SEMA4C: variants seen among roughly 807,000 people sequenced by gnomAD.
SEMA4C encodes the protein semaphorin-4C.
SEMA4C carries 19 observed loss-of-function variants against 89.0 expected under a neutral mutation model. The ratio of observed to expected loss-of-function variants is 0.21; its 90% CI spans 0.15 to 0.31. The LOEUF (loss-of-function observed/expected upper bound fraction) is 0.31. Ranked by LOEUF, SEMA4C falls within the 10% of genes least tolerant of loss-of-function variation. The pLI, the probability that SEMA4C is intolerant of heterozygous loss-of-function variation, is 1.00. For missense variants in SEMA4C, 811 were observed against 1,107.0 expected (o/e 0.73, Z 3.79); for synonymous variants, 428 against 472.7 (o/e 0.91, Z 1.23).
chr2:96,865,015 C>T lies in SEMA4C; in HGVS notation c.735G>A (p.Glu245=). The part of the protein sequence containing the change: ...VYFFFRERAV[E]SDCYAEQVVA... ...CCACCTGCTCGGCATAGCAGTCGGA[C>T]TCCACTGCCCGCTCCCTGAAGAAGA... Residue 245 remains glutamate (E), a synonymous_variant, in exon 8 of 15, where the codon GAG becomes GAA. Transcript: ENST00000305476. 6.4e-7 allele frequency: 1 copy of T among 1,559,332 alleles called. No homozygotes were observed. The highest frequency in any genetic ancestry group is 8.7e-7 in the Non-Finnish European group (1 of 1,151,506).
rs1158591884 is a variant in SEMA4C at position 96,864,762 on chromosome 2, G to T, written c.905C>A (p.Thr302Asn). ...LYFNQLQAMH[T>N]LQDTSWHNTT... ...GTTGTGCCAGGAGGTGTCCTGCAGGGTGTGCATCGCCTGCAGCTGGTTGAA... is the reference window on the plus strand; with the variant it reads ...GTTGTGCCAGGAGGTGTCCTGCAGGTTGTGCATCGCCTGCAGCTGGTTGAA... The change falls in exon 9 of 15, where the codon ACC becomes AAC. Residue 302 changes from threonine (T) to asparagine (N), a missense_variant. By Grantham distance (65) the Thr-to-Asn change is moderately conservative (BLOSUM62 0). Around this residue, in one of 4 missense-constraint regions of SEMA4C, gnomAD observed 441 missense variants for 664.9 expected, o/e 0.66. Transcript: ENST00000305476. The surrounding 1 kb of genome is among the most constrained non-coding windows in gnomAD (Gnocchi z 6.3). The T allele has an allele frequency of 6.2e-7, 1 of 1,613,946 alleles. No homozygotes were observed. The highest frequency in any genetic ancestry group is 8.5e-7 in the Non-Finnish European group (1 of 1,179,978).
intron 2 of SEMA4C, 113 bp from the exon 3 acceptor site, chr2:96,866,544 C>G (rs576846228): frequency 7.0e-7 from 1 of 1,420,248 alleles, no homozygotes; most frequent in East Asian, 2.3e-5. Flanking sequence ...AGCCAAACCC[C>G]CTGATTGGCA....
chr2:96,865,742 C>A lies in SEMA4C; in HGVS notation c.344G>T (p.Arg115Leu), dbSNP rs765973411. The change falls in exon 5 of 15, where the codon CGC (arginine) becomes CTC (leucine). Residue 115 changes from arginine (R) to leucine (L), a missense_variant. By Grantham distance (102) the Arg-to-Leu change is moderately radical. Transcript: ENST00000305476. ...GGAGGCATTGTAGGGCTGCAGGAAG[C>A]GGATGAAGTTGAAGCACTCGGTCTG... Reference protein sequence around the residue: ...NNQTECFNFIRFLQPYNASHL... With the variant: ...NNQTECFNFILFLQPYNASHL... The A allele has an allele frequency of 5.0e-6, 8 of 1,614,076 alleles. No individual in the cohort carries two copies. Among genetic ancestry groups the A allele is most frequent in the South Asian group, 1.1e-5 (1 of 91,080 alleles).
Position 96,869,904 on chromosome 2 carries a change from G to A in SEMA4C, c.-66C>T, listed in dbSNP as rs1196632471. 2 of 986,036 alleles carry A rather than the reference G, an allele frequency of 2.0e-6. No homozygotes were observed. The highest frequency in any genetic ancestry group is 2.4e-6 in the Non-Finnish European group (2 of 830,124). The allele number at this position is 986,036 out of a possible 1,614,324, so 61.1% of individuals were successfully genotyped here. A position where few individuals can be genotyped will look rare whatever the true frequency, so the allele number is the denominator to read the frequency against. On this transcript the variant is annotated 5_prime_UTR_variant, in exon 1 of 15. Coordinates refer to ENST00000305476, the MANE Select transcript of SEMA4C (RefSeq NM_017789.5). ...TTGCGCGCAGCTCCAGTCCCCGGGC[G>A]CCGCCCTCGCGTTCGGCTCTGACCG... is the stretch of plus-strand genomic sequence containing the variant.
chr2:96,860,942 T>G lies in SEMA4C; in HGVS notation c.2186A>C (p.Lys729Thr). The G allele has an allele frequency of 6.2e-7, 1 of 1,613,000 alleles. No homozygotes were observed. The stretch of plus-strand genomic sequence containing the variant: ...GTAGTAACCGACAGGATCCCAAAGT[T>G]TCTCATCTGGTTCAGGACAGGGCCG... The part of the protein sequence containing the change: ...PFRPCPEPDE[K>T]LWDPVGYYYS... The change falls in exon 15 of 15, where the codon AAA (lysine) becomes ACA (threonine). Residue 729 changes from lysine (K) to threonine (T), a missense_variant. Physicochemically the swap from Lys to Thr is moderately conservative, Grantham distance 78. Coordinates refer to ENST00000305476, the MANE Select transcript of SEMA4C (RefSeq NM_017789.5).
In SEMA4C at chr2:96,863,713, G is replaced by A. The variant is rs1379196106; in HGVS notation, c.1412C>T (p.Pro471Leu). ...IEELQLFDQE[P>L]MRSLVLSQSK... ...CTGAGATAGCACCAGGCTTCTCATG[G>A]GCTCCTGGTCAAACAGCTGCAGCTC... is the stretch of plus-strand genomic sequence containing the variant. Residue 471 changes from proline (P) to leucine (L), a missense_variant, in exon 12 of 15, where the codon CCC becomes CTC. By Grantham distance (98) the Pro-to-Leu change is moderately conservative. Transcript: ENST00000305476. 6.2e-7 allele frequency: 1 copy of A among 1,614,096 alleles called. No individual in the cohort carries two copies. Among genetic ancestry groups the A allele is most frequent in the Non-Finnish European group, 8.5e-7 (1 of 1,180,012 alleles).
chr2:96,869,345 C>T, intron 1 of SEMA4C: 2 of 985,342 alleles, frequency 2.0e-6, no homozygotes, highest in Non-Finnish European at 2.4e-6. Context: ...CCCTCGCCCA[C>T]CCCGAGCGGC....
chr2:96,861,941 C>T lies in SEMA4C; in HGVS notation c.1444-47G>A, dbSNP rs1333534904. On this transcript the variant is annotated intron_variant, in intron 12 of 14. Transcript: ENST00000305476. This position sits in a 1 kb window ranked among gnomAD's most constrained non-coding sequence, Gnocchi z 7.8. ...GGAGGGGGGTCGGCCAGGGCCACACCACGGGAGGGGCGGCCGGACCAGAAC... is the reference window on the plus strand; with the variant it reads ...GGAGGGGGGTCGGCCAGGGCCACACTACGGGAGGGGCGGCCGGACCAGAAC... The T allele has an allele frequency of 2.6e-6, 4 of 1,559,192 alleles. No homozygotes were observed. Among genetic ancestry groups the T allele is most frequent in the Non-Finnish European group, 3.5e-6 (4 of 1,153,226 alleles).
At position 96,864,195 on chromosome 2, in the gene SEMA4C, A is replaced by C. The variant is rs762585672; in HGVS notation, c.1107+43T>G. On this transcript the variant is annotated intron_variant, in intron 10 of 14. Coordinates refer to ENST00000305476, the MANE Select transcript of SEMA4C (RefSeq NM_017789.5). This position sits in a 1 kb window ranked among gnomAD's most constrained non-coding sequence, Gnocchi z 6.3. ...CAGGCCATCAGCAGGGTGGGATGGCACCGCAGCTGGGTGGGGAGATGCATC... is the reference window on the plus strand; with the variant it reads ...CAGGCCATCAGCAGGGTGGGATGGCCCCGCAGCTGGGTGGGGAGATGCATC... 4 of 1,613,048 alleles carry C rather than the reference A, an allele frequency of 2.5e-6. No homozygotes were observed. The East Asian group carries it at 8.9e-5, about 36-fold the overall frequency.
upstream of SEMA4C, chr2:96,870,123 C>T (rs1268164405): frequency 8.3e-6 from 8 of 969,306 alleles, no homozygotes; most frequent in Middle Eastern, 5.3e-4. Context: ...TGACGTCAGG[C>T]TGGGGGGGTC....
upstream of SEMA4C, chr2:96,870,217 G>T (rs956285037): frequency 1.0e-5 from 10 of 985,246 alleles, no homozygotes; most frequent in Non-Finnish European, 1.2e-5. Context: ...CCCGCTCTCC[G>T]CCCGGGGGCT....
Position 96,861,514 on chromosome 2 carries a change from G to T in SEMA4C, c.1673-59C>A. The T allele has an allele frequency of 6.2e-7, 1 of 1,609,074 alleles. No homozygotes were observed. The highest frequency in any genetic ancestry group is 8.5e-7 in the Non-Finnish European group (1 of 1,175,938). Reference sequence around the variant, plus strand: ...TGCAGGAAAGCAGGGCTGGGGAAGAGGAGAACAGAAACTCCAGCTCTGGTC... The same window carrying T: ...TGCAGGAAAGCAGGGCTGGGGAAGATGAGAACAGAAACTCCAGCTCTGGTC... On this transcript the variant is annotated intron_variant, in intron 14 of 14. Transcript: ENST00000305476. This position sits in a 1 kb window ranked among gnomAD's most constrained non-coding sequence, Gnocchi z 7.8.
At chr2:96,868,474 A>G in intron 1 of SEMA4C, 1 of 993,244 alleles carries the variant, frequency 1.0e-6, no homozygotes, top group Non-Finnish European at 1.2e-6. Context: ...TCCCCAGCGC[A>G]GACAATAGCC....
At position 96,860,817 on chromosome 2, in the gene SEMA4C, G is replaced by A; in HGVS notation, c.2311C>T (p.Pro771Ser). The change falls in exon 15 of 15, where the codon CCT becomes TCT. Residue 771 changes from proline (P) to serine (S), a missense_variant. This residue lies in a region of SEMA4C where 248 missense variants were observed against 269.0 expected (regional missense o/e 0.92). Coordinates refer to ENST00000305476, the MANE Select transcript of SEMA4C (RefSeq NM_017789.5). ...PPPGIPGQPL[P>S]SPTRLHLGGG... The stretch of plus-strand genomic sequence containing the variant: ...CCCAGGTGAAGCCGAGTTGGAGAAG[G>A]CAGAGGCTGGCCTGGGATGCCTGGA... 1 of 1,613,602 alleles carries A rather than the reference G, an allele frequency of 6.2e-7. No individual in the cohort carries two copies. Among genetic ancestry groups the A allele is most frequent in the Non-Finnish European group, 8.5e-7 (1 of 1,180,006 alleles).
At position 96,864,944 on chromosome 2, in the gene SEMA4C, A is replaced by T. The variant is rs1356807060; in HGVS notation, c.786+20T>A. 6.2e-7 allele frequency: 1 copy of T among 1,602,602 alleles called. No individual in the cohort carries two copies. The highest frequency in any genetic ancestry group is 8.5e-7 in the Non-Finnish European group (1 of 1,175,200). On this transcript the variant is annotated intron_variant, in intron 8 of 14. Transcript: ENST00000305476. The surrounding 1 kb of genome is among the most constrained non-coding windows in gnomAD (Gnocchi z 6.3). Reference sequence around the variant, plus strand: ...TGGGCCAGCAGGGCTCCCAGGGCCCACCGCTGTGAGACTCGGTACCTTGCA... The same window carrying T: ...TGGGCCAGCAGGGCTCCCAGGGCCCTCCGCTGTGAGACTCGGTACCTTGCA...
chr2:96,867,325 C>G lies in SEMA4C; in HGVS notation c.109+453G>C, dbSNP rs533107971. ...CACACGGGTGTGTGCACAGGGAGCA[C>G]TGCTGGGTCCCCGCTGTGCCCCGGC... On this transcript the variant is annotated intron_variant, in intron 2 of 14. Transcript: ENST00000305476. Among the ~76,000 whole-genome samples the G allele has an allele frequency of 1.2e-4, 18 of 152,332 alleles. No individual in the cohort carries two copies. In the South Asian group the frequency reaches 2.1e-3, roughly 18 times the overall value.
At position 96,861,353 on chromosome 2, in the gene SEMA4C, C is replaced by T; in HGVS notation, c.1775G>A (p.Gly592Asp). 1 of 1,607,570 alleles carries T rather than the reference C, an allele frequency of 6.2e-7. No homozygotes were observed. Among genetic ancestry groups the T allele is most frequent in the Non-Finnish European group, 8.5e-7 (1 of 1,179,976 alleles). ...NLAHARWTFG[G>D]RDLPAEQPGS... Reference sequence around the variant, plus strand: ...GGGCTGTTCCGCAGGCAGGTCCCGGCCCCCAAAGGTCCAGCGGGCATGGGC... The same window carrying T: ...GGGCTGTTCCGCAGGCAGGTCCCGGTCCCCAAAGGTCCAGCGGGCATGGGC... The change falls in exon 15 of 15, where the codon GGC (glycine) becomes GAC (aspartate). Residue 592 changes from glycine (G) to aspartate (D), a missense_variant. By Grantham distance (94) the Gly-to-Asp change is moderately conservative. This residue lies in a region of SEMA4C where 441 missense variants were observed against 664.9 expected (regional missense o/e 0.66). Transcript: ENST00000305476. This position sits in a 1 kb window ranked among gnomAD's most constrained non-coding sequence, Gnocchi z 7.8.
intron 1 of SEMA4C, chr2:96,869,426 G>C (rs2080157829): frequency 4.1e-6 from 4 of 985,050 alleles, no homozygotes; most frequent in South Asian, 4.7e-5. Flanking sequence ...GGCTCGGCCC[G>C]GGGGCCTGGC....
rs138795726 is a variant in SEMA4C, at chr2:96,860,327, TACAG to T, written c.*295_*298del. The T allele has an allele frequency of 2.0e-3, 893 of 455,104 alleles. 5 individuals carry two copies. The highest frequency in any genetic ancestry group is 0.015 in the African/African-American group (768 of 50,990). The allele number at this position is 455,104 out of a possible 1,614,324, so 28.2% of individuals were successfully genotyped here. ...ACACACACACAAACACATGTGCAAATACAGACAAACACACATCTTGAAACTTCTG... is the reference window on the plus strand; with the variant it reads ...ACACACACACAAACACATGTGCAAATACAAACACACATCTTGAAACTTCTG... On this transcript the variant is annotated 3_prime_UTR_variant, in exon 15 of 15. Coordinates refer to ENST00000305476, the MANE Select transcript of SEMA4C (RefSeq NM_017789.5).
Sources: gnomAD v4.1 joint callset for allele counts (sites outside exome capture counted in the v4.1 genomes callset) on GRCh38, gnomAD v4.1.1 for gene constraint, gnomAD v4.1.1 regional missense constraint, Gnocchi (gnomAD v3.1) non-coding constraint, MANE v1.5 for transcripts, NCBI Gene and HGNC (gene_info 2026-07-23, HGNC 2026-07-21) for gene names.